RAI1: variants seen among roughly 807,000 people sequenced by gnomAD.
RAI1 encodes the protein retinoic acid induced 1, also known as retinoic acid-induced protein 1.
A neutral mutation model predicts 123.8 loss-of-function variants in RAI1; 9 were observed. That is an observed-to-expected ratio of 0.07 (90% CI 0.04 to 0.13). RAI1 has a LOEUF of 0.13. Ranked by LOEUF, RAI1 falls within the 10% of genes least tolerant of loss-of-function variation. The probability of loss-of-function intolerance (pLI) is 1.00; values close to 1 mark genes in which losing one functional copy is unlikely to be tolerated. For synonymous variants in RAI1, 1,231 were observed against 1,127.3 expected (o/e 1.09, Z -1.84); for missense variants, 2,256 against 2,545.8 (o/e 0.89, Z 2.45).
rs765672213 is a variant in RAI1 at position 17,797,772 on chromosome 17, C to T, written c.4824C>T (p.Thr1608=). 1.9e-6 allele frequency: 3 copies of T among 1,614,088 alleles called. No homozygotes were observed. Among genetic ancestry groups the T allele is most frequent in the East Asian group, 4.5e-5 (2 of 44,866 alleles). The change falls in exon 3 of 6, where the codon ACC becomes ACT. Residue 1608 remains threonine, a synonymous_variant. Transcript: ENST00000353383. ...FVRVEKRDAF[T]TICTVVNSPG... is the part of the protein sequence containing the mutation. ...GGGTGGAGAAGCGAGACGCGTTCAC[C>T]ACCATATGCACTGTTGTCAACTCCC...
Position 17,797,393 on chromosome 17 carries a change from G to A in RAI1, c.4445G>A (p.Ser1482Asn), listed in dbSNP as rs2032301613. 6.2e-7 allele frequency: 1 copy of A among 1,612,892 alleles called. No homozygotes were observed. Among genetic ancestry groups the A allele is most frequent in the African/African-American group, 1.3e-5 (1 of 74,906 alleles). ...ALLLTPRDRASGTQGASEDNS... is the reference protein window; with the variant it reads ...ALLLTPRDRANGTQGASEDNS... ...CTCCTGACTCCCCGAGACAGGGCCA[G>A]TGGCACACAAGGGGCCAGTGAGGAC... is the stretch of plus-strand genomic sequence containing the variant. Residue 1482 changes from serine (S) to asparagine (N), a missense_variant, in exon 3 of 6, where the codon AGT becomes AAT. This residue lies in a region of RAI1 where 410 missense variants were observed against 374.6 expected (regional missense o/e 1.09). Transcript: ENST00000353383.
chr17:17,698,941 C>T (rs891302486), intron 1 of RAI1, among the ~76,000 whole-genome samples: 2 of 152,210 alleles, frequency 1.3e-5, no homozygotes, highest in Non-Finnish European at 2.9e-5. Flanking sequence ...TGATCTGAGT[C>T]GTGCATTCAT....
chr17:17,766,439 A>G (rs553545651), intron 2 of RAI1: 1 of 152,360 alleles, frequency 6.6e-6, no homozygotes, highest in Admixed American at 6.5e-5. Flanking sequence ...GCGTGGTGTC[A>G]CTCAGGCGCG....
rs541294203 is a variant in RAI1 at position 17,741,116 on chromosome 17, C to T, written c.-17+16957C>T. ...GCACACACACACACACACACACTCG[C>T]GCACGCACACACGCACGCTCACACT... is the stretch of plus-strand genomic sequence containing the variant. On this transcript the variant is annotated intron_variant, in intron 2 of 5. Coordinates refer to ENST00000353383, the MANE Select transcript of RAI1 (RefSeq NM_030665.4). Among the ~76,000 whole-genome samples, 18 of 152,092 alleles carry T rather than the reference C, an allele frequency of 1.2e-4. No individual in the cohort carries two copies. In the South Asian group the frequency reaches 1.2e-3, roughly 11 times the overall value.
At chr17:17,773,037 A>G (rs998196093) in intron 2 of RAI1, among the ~76,000 whole-genome samples, 2 of 112,578 alleles carry the variant, frequency 1.8e-5, no homozygotes, top group Admixed American at 1.2e-4. Context: ...GTGTGTGTGC[A>G]TGGATGCATG....
Position 17,714,551 on chromosome 17 carries a change from A to G in RAI1, c.-148-9477A>G, listed in dbSNP as rs778771970. On this transcript the variant is annotated intron_variant, in intron 1 of 5. Coordinates refer to ENST00000353383, the MANE Select transcript of RAI1 (RefSeq NM_030665.4). This position sits in a 1 kb window ranked among gnomAD's most constrained non-coding sequence, Gnocchi z 4.9. ...AACTCTGAGTGACGTTTATGCACTC[A>G]TTTCTATTTATCACCAGCAAATCCC... Among the ~76,000 whole-genome samples, 11 of 152,172 alleles carry G rather than the reference A, an allele frequency of 7.2e-5. No homozygotes were observed. Among genetic ancestry groups the G allele is most frequent in the Non-Finnish European group, 1.0e-4 (7 of 68,024 alleles).
chr17:17,729,561 G>C (rs920821126), intron 2 of RAI1, among the ~76,000 whole-genome samples: 1 of 152,196 alleles, frequency 6.6e-6, no homozygotes. Flanking sequence ...CTGCTTCTCT[G>C]AGCCTCAGTT....
chr17:17,728,920 G>C (rs186284301), intron 2 of RAI1, among the ~76,000 whole-genome samples: 1 of 152,276 alleles, frequency 6.6e-6, no homozygotes, highest in East Asian at 1.9e-4. Flanking sequence ...GGGAGGCTGG[G>C]GCCTACCATG....
At chr17:17,709,486 C>T (rs1001479705) in intron 1 of RAI1, among the ~76,000 whole-genome samples, 1 of 152,218 alleles carries the variant, frequency 6.6e-6, no homozygotes, top group South Asian at 2.1e-4. Flanking sequence ...GGGTTGACCA[C>T]AGTCAGTCCT....
At position 17,794,291 on chromosome 17, in the gene RAI1, C is replaced by T. The variant is rs2032144780; in HGVS notation, c.1343C>T (p.Thr448Ile). 6.2e-7 allele frequency: 1 copy of T among 1,613,140 alleles called. No individual in the cohort carries two copies. Among genetic ancestry groups the T allele is most frequent in the Non-Finnish European group, 8.5e-7 (1 of 1,180,052 alleles). The change falls in exon 3 of 6, where the codon ACC becomes ATC. Residue 448 changes from threonine (T) to isoleucine (I), a missense_variant. Thr to Ile is a moderately conservative substitution (Grantham distance 89). Coordinates refer to ENST00000353383, the MANE Select transcript of RAI1 (RefSeq NM_030665.4). Reference sequence around the variant, plus strand: ...TCACAGGTGGAGAACATCTCCAACACCGTCCAGCAGCTGCTGCTCTCCAAG... The same window carrying T: ...TCACAGGTGGAGAACATCTCCAACATCGTCCAGCAGCTGCTGCTCTCCAAG... ...LTSQVENISN[T>I]VQQLLLSKAA...
chr17:17,790,567 G>A (rs929192747), intron 2 of RAI1, among the ~76,000 whole-genome samples: 1 of 151,990 alleles, frequency 6.6e-6, no homozygotes, highest in African/African-American at 2.4e-5. Flanking sequence ...CCCCCTCACT[G>A]TCTCTGTCTC....
rs1415797673 is a variant in RAI1 at position 17,801,814 on chromosome 17, G to C, written c.5566-1942G>C. 6.6e-6 allele frequency among the ~76,000 whole-genome samples: 1 copy of C among 152,230 alleles called. No homozygotes were observed. Among genetic ancestry groups the C allele is most frequent in the Non-Finnish European group, 1.5e-5 (1 of 68,036 alleles). On this transcript the variant is annotated intron_variant, in intron 3 of 5. Coordinates refer to ENST00000353383, the MANE Select transcript of RAI1 (RefSeq NM_030665.4). This position sits in a 1 kb window ranked among gnomAD's most constrained non-coding sequence, Gnocchi z 4.1. Reference sequence around the variant, plus strand: ...CTACTCCAGCCTGGAGGCAGCTGCAGGGGTCAGAGACCAGCCTGGAGCCCT... The same window carrying C: ...CTACTCCAGCCTGGAGGCAGCTGCACGGGTCAGAGACCAGCCTGGAGCCCT...
In RAI1 at chr17:17,727,437, G is replaced by T. The variant is rs1013052448; in HGVS notation, c.-17+3278G>T. ...ACCCTGCCCATTTCACAGATGGGGGGACTGAGACCCCAAGCTTACCCCTGG... is the reference window on the plus strand; with the variant it reads ...ACCCTGCCCATTTCACAGATGGGGGTACTGAGACCCCAAGCTTACCCCTGG... On this transcript the variant is annotated intron_variant, in intron 2 of 5. Transcript: ENST00000353383. 5.9e-5 allele frequency among the ~76,000 whole-genome samples: 9 copies of T among 152,332 alleles called. No homozygotes were observed. In the South Asian group the frequency reaches 1.0e-3, roughly 18 times the overall value.
chr17:17,789,780 G>A (rs1030126850), intron 2 of RAI1, among the ~76,000 whole-genome samples: 2 of 152,214 alleles, frequency 1.3e-5, no homozygotes, highest in Non-Finnish European at 2.9e-5. Context: ...GATAAGGCCT[G>A]GACCAAGTGT....
In RAI1 at chr17:17,811,201, A is replaced by G; in HGVS notation, c.*1220A>G. The G allele has an allele frequency of 3.0e-6, 1 of 331,050 alleles. No homozygotes were observed. The highest frequency in any genetic ancestry group is 2.5e-5 in the South Asian group (1 of 40,158). 20.5% of individuals were successfully genotyped at this position (331,050 alleles called of 1,614,324 possible). A position where few individuals can be genotyped will look rare whatever the true frequency, so the allele number is the denominator to read the frequency against. The stretch of plus-strand genomic sequence containing the variant: ...CTGTACATATGACTGTAAAATGGTA[A>G]ACGTGTGTATTATATCTGGCCTCGT... On this transcript the variant is annotated 3_prime_UTR_variant, in exon 6 of 6. Transcript: ENST00000353383.
chr17:17,698,892 T>C (rs1598019091), intron 1 of RAI1, among the ~76,000 whole-genome samples: 1 of 151,858 alleles, frequency 6.6e-6, no homozygotes, highest in Non-Finnish European at 1.5e-5. Context: ...TTGAGGGAGG[T>C]GTGGCCAAAG....
chr17:17,728,990 G>C (rs1328627335), intron 2 of RAI1, among the ~76,000 whole-genome samples: 1 of 152,150 alleles, frequency 6.6e-6, no homozygotes, highest in Non-Finnish European at 1.5e-5. Flanking sequence ...AGCAGCACAG[G>C]GCTGGGCGGC....
Position 17,795,776 on chromosome 17 carries a change from A to T in RAI1, c.2828A>T (p.Glu943Val), listed in dbSNP as rs2032215945. 1 of 1,613,476 alleles carries T rather than the reference A, an allele frequency of 6.2e-7. No homozygotes were observed. Among genetic ancestry groups the T allele is most frequent in the Non-Finnish European group, 8.5e-7 (1 of 1,180,018 alleles). ...GTESKVQSWF[E>V]SSLSHMKPGE... ...GAGTCAAAGGTCCAGAGCTGGTTTG[A>T]GTCCTCTCTGTCACACATGAAGCCA... Residue 943 changes from glutamate to valine, a missense_variant, in exon 3 of 6, where the codon GAG (glutamate) becomes GTG (valine). Coordinates refer to ENST00000353383, the MANE Select transcript of RAI1 (RefSeq NM_030665.4). The surrounding 1 kb of genome is among the most constrained non-coding windows in gnomAD (Gnocchi z 5.9).
At chr17:17,687,895 T>C (rs1914693092) in intron 1 of RAI1, among the ~76,000 whole-genome samples, 1 of 151,728 alleles carries the variant, frequency 6.6e-6, no homozygotes, top group Admixed American at 6.6e-5. Context: ...CCAGGTGTGG[T>C]GGCCCATGCC....
Sources: gnomAD v4.1 joint callset for allele counts (sites outside exome capture counted in the v4.1 genomes callset) on GRCh38, gnomAD v4.1.1 for gene constraint, gnomAD v4.1.1 regional missense constraint, Gnocchi (gnomAD v3.1) non-coding constraint, MANE v1.5 for transcripts, NCBI Gene and HGNC (gene_info 2026-07-23, HGNC 2026-07-21) for gene names.